BTBD9: variants seen among roughly 807,000 people sequenced by gnomAD.
BTBD9 encodes BTB/POZ domain-containing protein 9.
Under a neutral mutation model 64.3 loss-of-function variants are expected in BTBD9, and 49 were observed. The observed-to-expected ratio is 0.76, with a 90% CI of 0.61 to 0.97. BTBD9 has a LOEUF of 0.97. BTBD9 is among the 50% of genes least tolerant of loss of function. The probability of loss-of-function intolerance (pLI) is 0.00; values close to 1 mark genes in which losing one functional copy is unlikely to be tolerated. For synonymous variants in BTBD9, 260 were observed against 274.7 expected (o/e 0.95, Z 0.53); for missense variants, 598 against 762.1 (o/e 0.78, Z 2.53).
At chr6:38,333,235 A>C (rs1763747293) in intron 7 of BTBD9, among the ~76,000 whole-genome samples, 1 of 152,214 alleles carries the variant, frequency 6.6e-6, no homozygotes, top group African/African-American at 2.4e-5. Flanking sequence ...TGCTGAAAAT[A>C]ATGATGTAAA....
At chr6:38,313,842 G>A (rs1182177056) in intron 7 of BTBD9, among the ~76,000 whole-genome samples, 1 of 147,828 alleles carries the variant, frequency 6.8e-6, no homozygotes, top group African/African-American at 2.5e-5. Flanking sequence ...CTCCGCCTCC[G>A]GGGTTCAAGT....
At chr6:38,577,298 C>T (rs1405965496) in intron 6 of BTBD9, among the ~76,000 whole-genome samples, 2 of 152,220 alleles carry the variant, frequency 1.3e-5, no homozygotes, top group Admixed American at 1.3e-4. Flanking sequence ...TTACCATTCA[C>T]TGTATAGCAC....
intron 10 of BTBD9, among the ~76,000 whole-genome samples, chr6:38,177,597 G>C (rs1004410256): frequency 2.0e-5 from 3 of 152,248 alleles, no homozygotes; most frequent in Non-Finnish European, 4.4e-5. Context: ...CTGGAGGAGG[G>C]ATCAGGGCGG....
chr6:38,446,980 A>C (rs1769305125), intron 6 of BTBD9, among the ~76,000 whole-genome samples: 1 of 152,182 alleles, frequency 6.6e-6, no homozygotes, highest in African/African-American at 2.4e-5. Flanking sequence ...TGATCCTCAA[A>C]ACTCCTTGGT....
At chr6:38,431,852 C>CA (rs999542690) in intron 6 of BTBD9, among the ~76,000 whole-genome samples, 36 of 151,960 alleles carry the variant, frequency 2.4e-4, no homozygotes, top group African/African-American at 8.5e-4. Flanking sequence ...TAATGGCATC[C>CA]AATCTCATTT....
rs1458104272 is a variant in BTBD9, at chr6:38,170,028, A to C, written c.*4957T>G. On this transcript the variant is annotated 3_prime_UTR_variant, in exon 11 of 11. Coordinates refer to ENST00000481247, the MANE Select transcript of BTBD9 (RefSeq NM_001099272.2). ...TGCTGGGTGGGTTGGAGGCTGGGCC[A>C]GGGAGCACCGTGACCAGTGGTGGTC... is the stretch of plus-strand genomic sequence containing the variant. The C allele has an allele frequency of 6.6e-6, 1 of 152,290 alleles. No homozygotes were observed. Among genetic ancestry groups the C allele is most frequent in the South Asian group, 2.1e-4 (1 of 4,824 alleles). 9.4% of individuals were successfully genotyped at this position (152,290 alleles called of 1,614,324 possible). A position where few individuals can be genotyped will look rare whatever the true frequency, so the allele number is the denominator to read the frequency against.
At chr6:38,565,497 T>C (rs559811268) in intron 6 of BTBD9, among the ~76,000 whole-genome samples, 2 of 152,202 alleles carry the variant, frequency 1.3e-5, no homozygotes, top group Non-Finnish European at 2.9e-5. Context: ...ATCAAAACTC[T>C]ATCCTTTGAG....
At chr6:38,390,638 C>T (rs531314005) in intron 6 of BTBD9, among the ~76,000 whole-genome samples, 1 of 152,234 alleles carries the variant, frequency 6.6e-6, no homozygotes, top group South Asian at 2.1e-4. Flanking sequence ...GACAATACCC[C>T]CAAATTCAGG....
chr6:38,516,102 A>G (rs1486537484), intron 6 of BTBD9, among the ~76,000 whole-genome samples: 1 of 152,198 alleles, frequency 6.6e-6, no homozygotes, highest in African/African-American at 2.4e-5. Context: ...AGCCTCAAAA[A>G]GGAGAAAATA....
intron 10 of BTBD9, among the ~76,000 whole-genome samples, chr6:38,175,637 A>G (rs1191864223): frequency 1.3e-5 from 2 of 152,144 alleles, no homozygotes; most frequent in Non-Finnish European, 2.9e-5. Flanking sequence ...TCTGTGTGGC[A>G]TCTGCGTGGG....
At position 38,535,569 on chromosome 6, in the gene BTBD9, C is replaced by T. The variant is rs138988422; in HGVS notation, c.1154+42031G>A. ...CCAAAGCTATCCTAAGCAAAGAGGA[C>T]ACAACTGAAGGGAATCACATTACCT... is the stretch of plus-strand genomic sequence containing the variant. On this transcript the variant is annotated intron_variant, in intron 6 of 10. Transcript: ENST00000481247. Among the ~76,000 whole-genome samples the T allele has an allele frequency of 7.3e-3, 1,117 of 152,098 alleles. 7 individuals are homozygous for T. Among genetic ancestry groups the T allele is most frequent in the Non-Finnish European group, 0.013 (859 of 67,880 alleles).
At chr6:38,355,656 G>A (rs558954297) in intron 6 of BTBD9, among the ~76,000 whole-genome samples, 22 of 152,254 alleles carry the variant, frequency 1.4e-4, no homozygotes, top group African/African-American at 3.9e-4. Flanking sequence ...ACTAATAGTC[G>A]TTGCTACTGC....
intron 6 of BTBD9, among the ~76,000 whole-genome samples, chr6:38,400,222 GCT>G (rs1766867411): frequency 6.6e-6 from 1 of 151,818 alleles, no homozygotes; most frequent in Non-Finnish European, 1.5e-5. Context: ...ATCTTTAATT[GCT>G]CTCTCGCTGC....
rs913554326 is a variant in BTBD9, at chr6:38,175,244, G to T, written c.1642-62C>A. 6 of 1,566,398 alleles carry T rather than the reference G, an allele frequency of 3.8e-6. No homozygotes were observed. The East Asian group carries it at 1.4e-4, about 35-fold the overall frequency. On this transcript the variant is annotated intron_variant, in intron 10 of 10. Coordinates refer to ENST00000481247, the MANE Select transcript of BTBD9 (RefSeq NM_001099272.2). ...GTCAGCATGCGGCCCTGGAGTTGCC[G>T]CAAGTTGGGATACTGCCCTGCCCAG...
chr6:38,512,162 G>A (rs1464971077), intron 6 of BTBD9, among the ~76,000 whole-genome samples: 1 of 152,024 alleles, frequency 6.6e-6, no homozygotes, highest in African/African-American at 2.4e-5. Flanking sequence ...TAGTAGAGAT[G>A]GGGTTTCTCC....
chr6:38,496,836 C>T (rs1047103489), intron 6 of BTBD9, among the ~76,000 whole-genome samples: 1 of 152,166 alleles, frequency 6.6e-6, no homozygotes, highest in Non-Finnish European at 1.5e-5. Flanking sequence ...TACCCTATGA[C>T]TTACTAGTGG....
chr6:38,404,741 G>A (rs984117000), intron 6 of BTBD9, among the ~76,000 whole-genome samples: 4 of 152,104 alleles, frequency 2.6e-5, no homozygotes, highest in African/African-American at 9.7e-5. Flanking sequence ...TTCATTCTGG[G>A]CTTGTTATTA....
chr6:38,374,773 C>T (rs1765618209), intron 6 of BTBD9, among the ~76,000 whole-genome samples: 1 of 152,134 alleles, frequency 6.6e-6, no homozygotes, highest in African/African-American at 2.4e-5. Flanking sequence ...CCTGAAAGCA[C>T]TGATAGACCT....
At chr6:38,384,340 A>C (rs1445352606) in intron 6 of BTBD9, among the ~76,000 whole-genome samples, 1 of 152,172 alleles carries the variant, frequency 6.6e-6, no homozygotes, top group Non-Finnish European at 1.5e-5. Context: ...CTTTAGACTC[A>C]CTGAGTAGGT....
Sources: allele counts gnomAD v4.1 joint callset (sites outside exome capture counted in the v4.1 genomes callset), GRCh38; gene constraint gnomAD v4.1.1; transcripts MANE v1.5; gene names NCBI Gene and HGNC (gene_info 2026-07-23, HGNC 2026-07-21).